MRPS31: variants seen among roughly 807,000 people sequenced by gnomAD.
MRPS31 encodes the protein small ribosomal subunit protein mS31.
Under a neutral mutation model 43.1 loss-of-function variants are expected in MRPS31, and 32 were observed. That is an observed-to-expected ratio of 0.74 (90% confidence interval 0.56 to 1.00). The LOEUF is 1.00. Among genes scored for constraint, MRPS31 ranks in the 50% least tolerant of loss-of-function variants. The pLI is 0.00. For missense variants in MRPS31, 437 were observed against 466.7 expected (o/e 0.94, Z 0.59); for synonymous variants, 165 against 161.6 (o/e 1.02, Z -0.16).
At chr13:40,729,729 C>G (rs1019537258) in intron 6 of MRPS31, 128 bp from the exon 7 acceptor site, 28 of 617,716 alleles carry the variant, frequency 4.5e-5, no homozygotes, top group Non-Finnish European at 7.0e-5. Flanking sequence ...ACCTAGGTTG[C>G]ATTTTTTTTT....
At chr13:40,758,068 G>A (rs1376903307) in intron 3 of MRPS31, among the ~76,000 whole-genome samples, 3 of 151,808 alleles carry the variant, frequency 2.0e-5, no homozygotes, top group South Asian at 2.1e-4. Context: ...GCGTGAACCG[G>A]GGAGGCGGAG....
chr13:40,729,626 A>T, intron 6 of MRPS31, 25 bp from the exon 7 acceptor site: 2 of 1,362,078 alleles, frequency 1.5e-6, no homozygotes, highest in Non-Finnish European at 2.1e-6. Context: ...CAAATACATT[A>T]CATTATAATT....
intron 1 of MRPS31, among the ~76,000 whole-genome samples, chr13:40,767,933 C>A (rs549869042): frequency 1.3e-5 from 2 of 152,266 alleles, no homozygotes; most frequent in East Asian, 3.9e-4. Flanking sequence ...TGCTACTTAA[C>A]CCATAACCAT....
At chr13:40,738,202 T>C (rs2046269934) in intron 6 of MRPS31, among the ~76,000 whole-genome samples, 2 of 151,178 alleles carry the variant, frequency 1.3e-5, no homozygotes, top group African/African-American at 4.8e-5. Flanking sequence ...AATGGATAAA[T>C]TCCTTGACAC....
rs35441585 is a variant in MRPS31 at position 40,766,748 on chromosome 13, C to T, written c.438G>A (p.Lys146=). Residue 146 remains lysine, a splice_region_variant and synonymous_variant, in exon 2 of 7, where the codon AAG becomes AAA. Coordinates refer to ENST00000323563, the MANE Select transcript of MRPS31 (RefSeq NM_005830.4). ...LRRATEYAPK[K]RIEPLSPELV... is the part of the protein sequence containing the mutation. ...ATCTGAATTACAATTAAATTTACCT[C>T]TTCTTTGGAGCATATTCTGTAGCTC... 8.7e-5 allele frequency: 139 copies of T among 1,589,208 alleles called. No homozygotes were observed. In the African/African-American group the frequency reaches 1.8e-3, roughly 21 times the overall value.
intron 5 of MRPS31, 37 bp from the exon 6 acceptor site, chr13:40,749,318 A>G: frequency 6.8e-7 from 1 of 1,479,776 alleles, no homozygotes; most frequent in Non-Finnish European, 9.0e-7. Flanking sequence ...CAACAAGTCA[A>G]TGTAAGTATC....
At chr13:40,766,437 G>A (rs913571832) in intron 2 of MRPS31, among the ~76,000 whole-genome samples, 1 of 152,110 alleles carries the variant, frequency 6.6e-6, no homozygotes, top group East Asian at 1.9e-4. Flanking sequence ...GGGATTACAA[G>A]CACGCACCAC....
At chr13:40,767,368 G>T (rs936097499) in intron 1 of MRPS31, among the ~76,000 whole-genome samples, 2 of 152,152 alleles carry the variant, frequency 1.3e-5, no homozygotes, top group African/African-American at 4.8e-5. Context: ...TGTTGGCCAG[G>T]CTGGTCTCTT....
At chr13:40,761,747 A>G (rs1593277812) in intron 2 of MRPS31, among the ~76,000 whole-genome samples, 1 of 152,298 alleles carries the variant, frequency 6.6e-6, no homozygotes, top group Non-Finnish European at 1.5e-5. Flanking sequence ...ACTGTATGAC[A>G]TACAATTTCA....
chr13:40,735,085 G>A (rs1266319560), intron 6 of MRPS31, among the ~76,000 whole-genome samples: 2 of 152,160 alleles, frequency 1.3e-5, no homozygotes, highest in Admixed American at 1.3e-4. Flanking sequence ...CGCACCTTGC[G>A]CGAGCCGAAA....
chr13:40,752,822 C>T (rs995182963), intron 5 of MRPS31, among the ~76,000 whole-genome samples: 22 of 151,956 alleles, frequency 1.4e-4, no homozygotes, highest in Admixed American at 5.2e-4. Flanking sequence ...TCACAGCAGC[C>T]TCAAATTCTG....
At chr13:40,759,440 A>G (rs1315214097) in intron 2 of MRPS31, among the ~76,000 whole-genome samples, 1 of 152,210 alleles carries the variant, frequency 6.6e-6, no homozygotes, top group African/African-American at 2.4e-5. Flanking sequence ...TCTGTCTCAA[A>G]AAAACCAAAC....
At chr13:40,750,847 T>C (rs1880370810) in intron 5 of MRPS31, among the ~76,000 whole-genome samples, 1 of 150,926 alleles carries the variant, frequency 6.6e-6, no homozygotes, top group African/African-American at 2.4e-5. Context: ...TTAAATACTA[T>C]AGTGACAAAT....
In MRPS31 at chr13:40,766,928, C is replaced by T. The variant is rs764320192; in HGVS notation, c.258G>A (p.Glu86=). ...RTEETSKETS[E]SQDSEKENTK... ...TATTTTCCTTTTCACTGTCTTGGCT[C>T]TCTGAAGTCTCCTTGGAAGTCTCCT... The change falls in exon 2 of 7, where the codon GAG becomes GAA. Residue 86 remains glutamate (E), a synonymous_variant. Transcript: ENST00000323563. 11 of 1,614,018 alleles carry T rather than the reference C, an allele frequency of 6.8e-6. No homozygotes were observed. Among genetic ancestry groups the T allele is most frequent in the Non-Finnish European group, 9.3e-6 (11 of 1,180,032 alleles).
intron 6 of MRPS31, among the ~76,000 whole-genome samples, chr13:40,736,387 T>C (rs1353533159): frequency 6.6e-6 from 1 of 150,658 alleles, no homozygotes; most frequent in South Asian, 2.1e-4. Context: ...ATTTACCCAA[T>C]CTAGCAAGGC....
At chr13:40,767,099 A>G in intron 1 of MRPS31, 66 bp from the exon 2 acceptor site, 1 of 1,295,044 alleles carries the variant, frequency 7.7e-7, no homozygotes, top group Non-Finnish European at 1.0e-6. Context: ...TAAAAAACTT[A>G]CTTACAATAA....
chr13:40,759,138 GA>G (rs754729561), intron 2 of MRPS31, 32 bp from the exon 3 acceptor site: 138 of 1,494,056 alleles, frequency 9.2e-5, no homozygotes, highest in Middle Eastern at 4.3e-4. Flanking sequence ...AAATGAGAAA[GA>G]AAAAAAAAGA....
At chr13:40,767,291 A>T (rs1880879216) in intron 1 of MRPS31, among the ~76,000 whole-genome samples, 1 of 152,028 alleles carries the variant, frequency 6.6e-6, no homozygotes, top group Non-Finnish European at 1.5e-5. Context: ...CCGAGCAGCT[A>T]GGATTGTAGG....
intron 5 of MRPS31, among the ~76,000 whole-genome samples, chr13:40,750,447 A>G (rs538070037): frequency 6.6e-6 from 1 of 152,234 alleles, no homozygotes; most frequent in East Asian, 1.9e-4. Context: ...GTTTAAAATT[A>G]TAACTGGTAG....
Sources: allele counts gnomAD v4.1 joint callset (sites outside exome capture counted in the v4.1 genomes callset), GRCh38; gene constraint gnomAD v4.1.1; transcripts MANE v1.5; gene names NCBI Gene and HGNC (gene_info 2026-07-23, HGNC 2026-07-21).